Variants in CFAP91 observed in about 807,000 individuals in gnomAD.
CFAP91 encodes the protein cilia- and flagella-associated protein 91.
A neutral mutation model predicts 95.9 loss-of-function variants in CFAP91; 85 were observed. The ratio of observed to expected loss-of-function variants is 0.89; its 90% CI spans 0.74 to 1.06. The LOEUF (loss-of-function observed/expected upper bound fraction) is 1.06. CFAP91 is among the 50% of genes least tolerant of loss of function. The pLI is 0.00. For synonymous variants in CFAP91, 335 were observed against 327.5 expected (o/e 1.02, Z -0.25); for missense variants, 962 against 943.4 (o/e 1.02, Z -0.26).
intron 10 of CFAP91, 28 bp from the exon 11 acceptor site, chr3:119,737,334 AAAAG>A (rs770606234): frequency 7.3e-7 from 1 of 1,363,552 alleles, no homozygotes; most frequent in South Asian, 1.3e-5. Context: ...TTTTGTTAAA[AAAAG>A]AGATTATATT....
chr3:119,704,927 G>C (rs972524516), intron 1 of CFAP91, among the ~76,000 whole-genome samples: 2 of 152,198 alleles, frequency 1.3e-5, no homozygotes, highest in Non-Finnish European at 2.9e-5. Context: ...TGGGTTTGTA[G>C]CCTAGGAGCA....
rs1383731997 is a variant in CFAP91 at position 119,730,243 on chromosome 3, T to C, written c.884T>C (p.Val295Ala). The C allele has an allele frequency of 1.2e-6, 2 of 1,613,868 alleles. No individual in the cohort carries two copies. The highest frequency in any genetic ancestry group is 2.7e-5 in the African/African-American group (2 of 74,874). Residue 295 changes from valine to alanine, a missense_variant, in exon 8 of 18, where the codon GTT (valine) becomes GCT (alanine). Coordinates refer to ENST00000273390, the MANE Select transcript of CFAP91 (RefSeq NM_033364.4). ...IEKLQEIRLEVLKELLRKREE... is the reference protein window; with the variant it reads ...IEKLQEIRLEALKELLRKREE... The stretch of plus-strand genomic sequence containing the variant: ...AGACTGCAGGAGATTCGCCTGGAAG[T>C]TCTAAAAGAGCTGTTGAGGAAGCGT...
intron 6 of CFAP91, among the ~76,000 whole-genome samples, chr3:119,717,133 G>A (rs1194260112): frequency 2.0e-5 from 3 of 152,224 alleles, no homozygotes; most frequent in African/African-American, 7.2e-5. Flanking sequence ...CAGGGAACCA[G>A]GTCCAAGTCA....
intron 6 of CFAP91, among the ~76,000 whole-genome samples, chr3:119,721,348 A>G (rs549868645): frequency 2.6e-5 from 4 of 152,348 alleles, no homozygotes; most frequent in African/African-American, 7.2e-5. Flanking sequence ...TTAATAAGGA[A>G]TATCTACCAC....
chr3:119,704,408 G>A (rs963908344), intron 1 of CFAP91, among the ~76,000 whole-genome samples: 2 of 152,126 alleles, frequency 1.3e-5, no homozygotes, highest in Admixed American at 6.5e-5. Flanking sequence ...TAGCCAGGGC[G>A]GATGAGAACC....
intron 6 of CFAP91, among the ~76,000 whole-genome samples, chr3:119,716,199 G>C (rs1371669688): frequency 6.6e-6 from 1 of 152,204 alleles, no homozygotes; most frequent in Non-Finnish European, 1.5e-5. Flanking sequence ...TGGATGACTT[G>C]ACATTATCTC....
At chr3:119,743,151 T>C (rs1441370972) in intron 13 of CFAP91, among the ~76,000 whole-genome samples, 3 of 150,334 alleles carry the variant, frequency 2.0e-5, no homozygotes, top group Admixed American at 1.3e-4. Context: ...TTTTTTTTTT[T>C]CTGAGATGGA....
chr3:119,749,660 T>C (rs1216700690), intron 16 of CFAP91, among the ~76,000 whole-genome samples: 1 of 152,204 alleles, frequency 6.6e-6, no homozygotes, highest in African/African-American at 2.4e-5. Context: ...CCTTAGCCTC[T>C]TCCCTTTATA....
rs759455557 is a variant in CFAP91 at position 119,747,855 on chromosome 3, A to G, written c.2096A>G (p.Tyr699Cys). 3.1e-6 allele frequency: 5 copies of G among 1,613,600 alleles called. No homozygotes were observed. In the African/African-American group the frequency reaches 6.7e-5, roughly 22 times the overall value. Residue 699 changes from tyrosine (Y) to cysteine (C), a missense_variant, in exon 16 of 18, where the codon TAT (tyrosine) becomes TGT (cysteine). By Grantham distance (194) the Tyr-to-Cys change is radical. Coordinates refer to ENST00000273390, the MANE Select transcript of CFAP91 (RefSeq NM_033364.4). Reference protein sequence around the residue: ...QSEEIVAELVYSFLIPEVQKY... With the variant: ...QSEEIVAELVCSFLIPEVQKY... ...GAGGAGATTGTTGCTGAGTTGGTTTATAGTTTTCTGATCCCAGAGGTGCAA... is the reference window on the plus strand; with the variant it reads ...GAGGAGATTGTTGCTGAGTTGGTTTGTAGTTTTCTGATCCCAGAGGTGCAA...
chr3:119,725,765 GA>G (rs10710048), intron 6 of CFAP91, among the ~76,000 whole-genome samples: 7,004 of 140,168 alleles, frequency 0.05, 427 homozygotes, highest in African/African-American at 0.15. Flanking sequence ...TCACAAAAAA[GA>G]AAAAAAAAAA....
intron 7 of CFAP91, 31 bp from the exon 8 acceptor site, chr3:119,730,189 T>C (rs746043398): frequency 1.9e-6 from 3 of 1,604,996 alleles, no homozygotes; most frequent in Admixed American, 3.4e-5. Context: ...AGATGCCATA[T>C]GCTTCTTTAT....
At chr3:119,756,309 A>C (rs1209441421) in intron 17 of CFAP91, among the ~76,000 whole-genome samples, 1 of 152,230 alleles carries the variant, frequency 6.6e-6, no homozygotes, top group East Asian at 1.9e-4. Flanking sequence ...ATATTGAAAT[A>C]GTAAAATAAA....
intron 5 of CFAP91, among the ~76,000 whole-genome samples, chr3:119,711,532 C>T (rs142388815): frequency 2.0e-5 from 3 of 152,292 alleles, no homozygotes; most frequent in African/African-American, 7.2e-5. Context: ...CCTAAATAAC[C>T]GTGACACAAG....
At chr3:119,739,409 T>C in intron 12 of CFAP91, 83 bp downstream of exon 12, 1 of 1,270,818 alleles carries the variant, frequency 7.9e-7, no homozygotes, top group Admixed American at 1.7e-5. Flanking sequence ...TTCCTTGGAG[T>C]GAATCCCTTT....
chr3:119,710,645 AAC>A (rs1422079576), intron 5 of CFAP91, among the ~76,000 whole-genome samples: 1 of 152,230 alleles, frequency 6.6e-6, no homozygotes, highest in Non-Finnish European at 1.5e-5. Flanking sequence ...GCTTCTCTGA[AAC>A]ACTTATTTGA....
At chr3:119,740,962 C>A (rs558658704) in intron 13 of CFAP91, among the ~76,000 whole-genome samples, 88 of 152,040 alleles carry the variant, frequency 5.8e-4, no homozygotes, top group African/African-American at 2.1e-3. Flanking sequence ...TCAAATGATT[C>A]TCCTGCTTCA....
intron 6 of CFAP91, chr3:119,716,027 C>G: frequency 1.8e-6 from 1 of 555,592 alleles, no homozygotes; most frequent in Non-Finnish European, 3.2e-6. Flanking sequence ...TCATTTCTCT[C>G]TCCTAGTGAA....
In CFAP91 at chr3:119,740,595, G is replaced by A. The variant is rs746141714; in HGVS notation, c.1580G>A (p.Arg527His). 8.1e-6 allele frequency: 13 copies of A among 1,614,026 alleles called. No homozygotes were observed. The highest frequency in any genetic ancestry group is 3.3e-5 in the Admixed American group (2 of 59,996). ...EKRLELIQELRTCHALQEDEK... is the reference protein window; with the variant it reads ...EKRLELIQELHTCHALQEDEK... ...CGACTGGAGTTGATCCAGGAGTTGC[G>A]CACCTGCCACGCACTACAAGAAGAT... Residue 527 changes from arginine to histidine, a missense_variant, in exon 13 of 18, where the codon CGC becomes CAC. Physicochemically the swap from Arg to His is conservative, Grantham distance 29 (BLOSUM62 0). Coordinates refer to ENST00000273390, the MANE Select transcript of CFAP91 (RefSeq NM_033364.4).
In CFAP91 at chr3:119,750,977, G is replaced by A; in HGVS notation, c.2184G>A (p.Gln728=). The A allele has an allele frequency of 6.2e-7, 1 of 1,613,994 alleles. No individual in the cohort carries two copies. Among genetic ancestry groups the A allele is most frequent in the Non-Finnish European group, 8.5e-7 (1 of 1,179,914 alleles). Residue 728 remains glutamine (Q), a synonymous_variant, in exon 17 of 18, where the codon CAG becomes CAA. Coordinates refer to ENST00000273390, the MANE Select transcript of CFAP91 (RefSeq NM_033364.4). ...AQRKHILAAH[Q]IIHSYTESMV... is the part of the protein sequence containing the mutation. ...GGAAACATATTCTTGCAGCCCATCA[G>A]ATCATCCACAGTTACACGGAAAGCA...
Sources: allele counts gnomAD v4.1 joint callset (sites outside exome capture counted in the v4.1 genomes callset), GRCh38; gene constraint gnomAD v4.1.1; transcripts MANE v1.5; gene names NCBI Gene and HGNC (gene_info 2026-07-23, HGNC 2026-07-21).